The following MAP3K7 variants were observed in gnomAD, a reference collection of about 807,000 sequenced individuals.
MAP3K7 encodes the protein mitogen-activated protein kinase kinase kinase 7.
A neutral mutation model predicts 84.8 loss-of-function variants in MAP3K7; 21 were observed. That is an observed-to-expected ratio of 0.25 (90% CI 0.18 to 0.36). The LOEUF (loss-of-function observed/expected upper bound fraction) is 0.36. Among genes scored for constraint, MAP3K7 ranks in the 10% least tolerant of loss-of-function variants. The pLI is 1.00. For missense variants in MAP3K7, 503 were observed against 747.7 expected, an observed-to-expected ratio of 0.67 and a Z score of 3.82; for synonymous variants, 241 against 247.7, an observed-to-expected ratio of 0.97 and a Z score of 0.25.
chr6:90,553,783 AC>A (rs1235734680), intron 6 of MAP3K7, among the ~76,000 whole-genome samples, 197 bp from the exon 7 acceptor site: 7 of 152,234 alleles, frequency 4.6e-5, no homozygotes, highest in South Asian at 2.1e-4. Context: ...TCAACAATAC[AC>A]TAAAAAACTA....
At chr6:90,559,425 T>C (rs1192320354) in intron 5 of MAP3K7, among the ~76,000 whole-genome samples, 4 of 152,102 alleles carry the variant, frequency 2.6e-5, no homozygotes, top group Non-Finnish European at 5.9e-5. Context: ...ATTTTTACTG[T>C]GTCACAGGTG....
At chr6:90,576,093 C>A (rs902818707) in intron 1 of MAP3K7, among the ~76,000 whole-genome samples, 6 of 152,024 alleles carry the variant, frequency 3.9e-5, no homozygotes, top group African/African-American at 1.4e-4. Context: ...AGACTAGTGG[C>A]AGCTCCAGGC....
Position 90,548,071 on chromosome 6 carries a change from C to T in MAP3K7, c.1056G>A (p.Leu352=), listed in dbSNP as rs758604367. Residue 352 remains leucine (L), a synonymous_variant, in exon 10 of 17, where the codon TTG becomes TTA. Transcript: ENST00000369329. ...CCTGTTGCTTTGCCTGATTTTTCAA[C>T]AATTTTGATTCTAAGCGCTTAATAG... ...NDTIKRLESK[L]LKNQAKQQSE... 1.2e-6 allele frequency: 2 copies of T among 1,610,168 alleles called. No homozygotes were observed. The highest frequency in any genetic ancestry group is 8.5e-7 in the Non-Finnish European group (1 of 1,178,392).
At chr6:90,517,627 G>C (rs903608872) in intron 16 of MAP3K7, among the ~76,000 whole-genome samples, 2 of 151,770 alleles carry the variant, frequency 1.3e-5, no homozygotes, top group African/African-American at 2.4e-5. Flanking sequence ...CCAAACTGTA[G>C]TATTTAATTT....
intron 9 of MAP3K7, among the ~76,000 whole-genome samples, chr6:90,549,409 T>C (rs1582199080): frequency 6.6e-6 from 1 of 152,314 alleles, no homozygotes; most frequent in South Asian, 2.1e-4. Context: ...GTGAGGATAG[T>C]AAACCTGTGC....
intron 1 of MAP3K7, among the ~76,000 whole-genome samples, chr6:90,576,449 ACACAC>A (rs1777083756): frequency 1.3e-5 from 2 of 151,278 alleles, no homozygotes; most frequent in Non-Finnish European, 3.0e-5. Context: ...ACACACACAC[ACACAC>A]ACACACACAC....
Position 90,566,660 on chromosome 6 carries a change from G to A in MAP3K7, c.297+1898C>T, listed in dbSNP as rs548153917. On this transcript the variant is annotated intron_variant, in intron 3 of 16. Transcript: ENST00000369329. ...GCCCAAGGTAATTTATAGATTCAATGCCATCCCCATCAAGCTACCAATGAC... is the reference window on the plus strand; with the variant it reads ...GCCCAAGGTAATTTATAGATTCAATACCATCCCCATCAAGCTACCAATGAC... 1.2e-4 allele frequency among the ~76,000 whole-genome samples: 19 copies of A among 152,240 alleles called. No individual in the cohort carries two copies. In the South Asian group the frequency reaches 3.1e-3, roughly 25 times the overall value.
chr6:90,552,331 A>G, intron 7 of MAP3K7, 152 bp from the exon 8 acceptor site: 1 of 682,600 alleles, frequency 1.5e-6, no homozygotes, highest in South Asian at 2.4e-5. Flanking sequence ...TTGTAATTTT[A>G]TCAATTAACA....
intron 1 of MAP3K7, among the ~76,000 whole-genome samples, chr6:90,576,667 GAGTTGTGTGCTAA>G (rs1777094139): frequency 6.6e-6 from 1 of 152,110 alleles, no homozygotes. Context: ...AAAAGGAAGG[GAGTTGTGTGCTAA>G]GAAGAAAAGG....
chr6:90,536,529 A>G, intron 12 of MAP3K7, 128 bp from the exon 13 acceptor site: 1 of 662,376 alleles, frequency 1.5e-6, no homozygotes, highest in African/African-American at 1.8e-5. Context: ...TGGGGAAAAA[A>G]AAGTGAGTTT....
chr6:90,576,743 T>G (rs1012847215), intron 1 of MAP3K7, among the ~76,000 whole-genome samples: 2 of 152,120 alleles, frequency 1.3e-5, no homozygotes, highest in African/African-American at 2.4e-5. Flanking sequence ...CACTCCAATT[T>G]TAGACAAGGT....
At chr6:90,525,561 A>G (rs1233320526) in intron 13 of MAP3K7, among the ~76,000 whole-genome samples, 1 of 151,724 alleles carries the variant, frequency 6.6e-6, no homozygotes, top group South Asian at 2.1e-4. Context: ...GGACATATCC[A>G]CCATCACAGT....
At chr6:90,555,915 ATT>A (rs1388953997) in intron 6 of MAP3K7, among the ~76,000 whole-genome samples, 1 of 152,216 alleles carries the variant, frequency 6.6e-6, no homozygotes, top group East Asian at 1.9e-4. Context: ...ACATATGTAT[ATT>A]GTCTGTTAAG....
At chr6:90,540,918 G>A (rs1369794829) in intron 12 of MAP3K7, among the ~76,000 whole-genome samples, 1 of 151,878 alleles carries the variant, frequency 6.6e-6, no homozygotes, top group African/African-American at 2.4e-5. Context: ...CAGATGAACT[G>A]CATTAGAATG....
intron 12 of MAP3K7, among the ~76,000 whole-genome samples, chr6:90,539,855 T>A (rs1197372176): frequency 6.6e-6 from 1 of 151,846 alleles, no homozygotes; most frequent in Non-Finnish European, 1.5e-5. Flanking sequence ...TAACTACTCA[T>A]CTATTTTTCA....
At position 90,536,353 on chromosome 6, in the gene MAP3K7, C is replaced by A. The variant is rs1775677653; in HGVS notation, c.1340G>T (p.Gly447Val). 6.2e-7 allele frequency: 1 copy of A among 1,612,042 alleles called. No homozygotes were observed. The highest frequency in any genetic ancestry group is 1.1e-5 in the South Asian group (1 of 91,028). The change falls in exon 13 of 17, where the codon GGA becomes GTA. Residue 447 changes from glycine to valine, a missense_variant. Physicochemically the swap from Gly to Val is moderately radical, Grantham distance 109. Around this residue, in one of 5 missense-constraint regions of MAP3K7, gnomAD observed 286 missense variants for 313.6 expected, o/e 0.91. Transcript: ENST00000369329. Reference protein sequence around the residue: ...RRSIQDLTVTGTEPGQVSSRS... With the variant: ...RRSIQDLTVTVTEPGQVSSRS... ...TTGTCTTACCTGACCAGGTTCTGTT[C>A]CAGTTACAGTCAAGTCTTGGATGGA...
chr6:90,523,778 G>T lies in MAP3K7; in HGVS notation c.1362C>A (p.Ser454Arg). The T allele has an allele frequency of 6.3e-7, 1 of 1,580,556 alleles. No homozygotes were observed. Residue 454 changes from serine to arginine, a missense_variant, in exon 14 of 17, where the codon AGC becomes AGA. By Grantham distance (110) the Ser-to-Arg change is moderately radical (BLOSUM62 -1). This residue lies in a region of MAP3K7 where 286 missense variants were observed against 313.6 expected (regional missense o/e 0.91). Transcript: ENST00000369329. ...TGACACTGGGACTGGATGACCTACT[G>T]CTCACCTACAGGAAGAAGTCACAGG... is the stretch of plus-strand genomic sequence containing the variant. ...TVTGTEPGQV[S>R]SRSSSPSVRM... is the part of the protein sequence containing the mutation.
At chr6:90,577,769 G>C (rs1477486054) in intron 1 of MAP3K7, among the ~76,000 whole-genome samples, 1 of 152,168 alleles carries the variant, frequency 6.6e-6, no homozygotes, top group East Asian at 1.9e-4. Context: ...AAATTCTCAG[G>C]GTGCAACCCA....
intron 1 of MAP3K7, among the ~76,000 whole-genome samples, chr6:90,583,865 G>GT (rs1162557812): frequency 6.6e-6 from 1 of 152,050 alleles, no homozygotes; most frequent in Non-Finnish European, 1.5e-5. Context: ...ACTAAATGAT[G>GT]TTTAAAAAGT....
Sources: gnomAD v4.1 joint callset for allele counts (sites outside exome capture counted in the v4.1 genomes callset) on GRCh38, gnomAD v4.1.1 for gene constraint, gnomAD v4.1.1 regional missense constraint, MANE v1.5 for transcripts, NCBI Gene and HGNC (gene_info 2026-07-23, HGNC 2026-07-21) for gene names.